SLC35D4: variants seen among roughly 807,000 people sequenced by gnomAD.
SLC35D4 encodes the protein solute carrier family 35 member D4.
At chr18:23,437,767 G>C in the SLC35D4 span, 1 of 1,607,510 alleles carries the variant, frequency 6.2e-7, no homozygotes, top group South Asian at 1.1e-5. Flanking sequence ...TGCCTCCCGC[G>C]CCCGCCCCCT....
At chr18:23,308,757 T>C in the SLC35D4 span, among the ~76,000 whole-genome samples, 6 of 152,146 alleles carry the variant, frequency 3.9e-5, no homozygotes, top group African/African-American at 1.4e-4. Context: ...TGCAAATGGG[T>C]AGTGCATTCT....
At chr18:23,373,521 C>A in the SLC35D4 span, among the ~76,000 whole-genome samples, 42,801 of 151,910 alleles carry the variant, frequency 0.28, 6,684 homozygotes, top group East Asian at 0.4. Context: ...TGCAGCCCTG[C>A]GGAGAAGGCA....
the SLC35D4 span, among the ~76,000 whole-genome samples, chr18:23,307,718 C>T: frequency 3.3e-3 from 504 of 152,352 alleles, 2 homozygotes; most frequent in African/African-American, 0.012. Context: ...GCCCAAACCT[C>T]CCTTGTGAGT....
the SLC35D4 span, among the ~76,000 whole-genome samples, chr18:23,261,960 G>C: frequency 6.6e-6 from 1 of 152,134 alleles, no homozygotes; most frequent in Non-Finnish European, 1.5e-5. Flanking sequence ...CACGGCCCAA[G>C]GATCAGCAGC....
chr18:23,283,883 G>A, the SLC35D4 span, among the ~76,000 whole-genome samples: 3 of 151,906 alleles, frequency 2.0e-5, no homozygotes, highest in Admixed American at 6.6e-5. Flanking sequence ...CTGCTCAACT[G>A]AGTATACTTA....
At chr18:23,427,711 CA>C in the SLC35D4 span, among the ~76,000 whole-genome samples, 2 of 152,200 alleles carry the variant, frequency 1.3e-5, no homozygotes, top group African/African-American at 4.8e-5. Flanking sequence ...TATAAAGACA[CA>C]TGCACACATA....
At chr18:23,253,121 C>T in the SLC35D4 span, 1 of 966,926 alleles carries the variant, frequency 1.0e-6, no homozygotes, top group Admixed American at 1.7e-5. Context: ...TCTTTCCACA[C>T]ACCGTAAGCT....
chr18:23,390,003 T>C, the SLC35D4 span, among the ~76,000 whole-genome samples: 1 of 152,218 alleles, frequency 6.6e-6, no homozygotes, highest in Non-Finnish European at 1.5e-5. Context: ...CTTATTTTTG[T>C]TAAATCAAAC....
the SLC35D4 span, among the ~76,000 whole-genome samples, chr18:23,331,949 G>C: frequency 7.0e-6 from 1 of 142,936 alleles, no homozygotes; most frequent in African/African-American, 2.6e-5. Flanking sequence ...GTGGTGGAGT[G>C]ATCATAACTC....
the SLC35D4 span, among the ~76,000 whole-genome samples, chr18:23,287,084 T>G: frequency 6.6e-6 from 1 of 151,826 alleles, no homozygotes; most frequent in African/African-American, 2.4e-5. Flanking sequence ...TAAAGCCTGT[T>G]ATCACTCGCC....
the SLC35D4 span, among the ~76,000 whole-genome samples, chr18:23,346,937 T>C: frequency 6.6e-6 from 1 of 152,242 alleles, no homozygotes; most frequent in Non-Finnish European, 1.5e-5. Context: ...ATTTTGCTAA[T>C]ATATTTGTCC....
the SLC35D4 span, among the ~76,000 whole-genome samples, chr18:23,403,826 A>C: frequency 6.6e-3 from 999 of 152,334 alleles, 9 homozygotes; most frequent in African/African-American, 0.023. Flanking sequence ...ACTGTTAAGC[A>C]TGTCTTACAT....
the SLC35D4 span, among the ~76,000 whole-genome samples, chr18:23,361,715 A>C: frequency 6.6e-6 from 1 of 152,220 alleles, no homozygotes; most frequent in African/African-American, 2.4e-5. Context: ...CAGGAGACGG[A>C]AGGGAAGGTG....
the SLC35D4 span, among the ~76,000 whole-genome samples, chr18:23,290,272 A>G: frequency 1.3e-5 from 2 of 152,224 alleles, no homozygotes; most frequent in Non-Finnish European, 2.9e-5. Flanking sequence ...GACTTAGAGC[A>G]TCCCAGAGCC....
the SLC35D4 span, among the ~76,000 whole-genome samples, chr18:23,305,120 T>TA: frequency 2.0e-5 from 3 of 152,234 alleles, no homozygotes; most frequent in Admixed American, 6.5e-5. Flanking sequence ...AGCTATGGTA[T>TA]AAAAAACCTA....
chr18:23,311,597 G>A, the SLC35D4 span, among the ~76,000 whole-genome samples: 2 of 152,204 alleles, frequency 1.3e-5, no homozygotes, highest in Middle Eastern at 3.4e-3. Context: ...AAAGTTACCC[G>A]TGACTTGAAG....
the SLC35D4 span, chr18:23,253,149 T>A: frequency 1.3e-6 from 1 of 780,318 alleles, no homozygotes; most frequent in Non-Finnish European, 2.2e-6. Flanking sequence ...TGTCCAGTGG[T>A]CCTTCCTGTG....
the SLC35D4 span, among the ~76,000 whole-genome samples, chr18:23,255,426 T>C: frequency 6.6e-6 from 1 of 152,170 alleles, no homozygotes; most frequent in African/African-American, 2.4e-5. Flanking sequence ...AGGTCGGCGC[T>C]TTACAGATTT....
chr18:23,239,044 G>A, the SLC35D4 span, among the ~76,000 whole-genome samples: 1 of 152,234 alleles, frequency 6.6e-6, no homozygotes, highest in Non-Finnish European at 1.5e-5. Context: ...TATAGGCCTA[G>A]TGTTGGGCTG....
Sources: gnomAD v4.1 joint callset for allele counts (sites outside exome capture counted in the v4.1 genomes callset) on GRCh38, gnomAD v4.1.1 for gene constraint, MANE v1.5 for transcripts, NCBI Gene and HGNC (gene_info 2026-07-23, HGNC 2026-07-21) for gene names.